Variants in RAB3GAP2 observed in about 807,000 individuals in gnomAD.
The protein encoded by RAB3GAP2 is RAB3 GTPase activating non-catalytic protein subunit 2.
In RAB3GAP2, 87 loss-of-function variants were observed where a neutral mutation model predicts 185.3. The ratio of observed to expected loss-of-function variants is 0.47; its 90% confidence interval spans 0.39 to 0.56. The LOEUF is 0.56. Ranked by LOEUF, RAB3GAP2 falls within the 20% of genes least tolerant of loss-of-function variation. RAB3GAP2 has a pLI of 0.00. For synonymous variants in RAB3GAP2, 554 were observed against 576.1 expected, an observed-to-expected ratio of 0.96 and a Z score of 0.55; for missense variants, 1,492 against 1,638.2, an observed-to-expected ratio of 0.91 and a Z score of 1.54.
chr1:220,195,474 T>C, intron 10 of RAB3GAP2, 97 bp from the exon 11 acceptor site: 1 of 1,176,388 alleles, frequency 8.5e-7, no homozygotes, highest in South Asian at 1.2e-5. Context: ...TTTGAAAAGT[T>C]GTAAAGGCTG....
At chr1:220,198,918 C>T (rs1177311215) in intron 9 of RAB3GAP2, among the ~76,000 whole-genome samples, 1 of 152,052 alleles carries the variant, frequency 6.6e-6, no homozygotes, top group African/African-American at 2.4e-5. Flanking sequence ...ATAAGGAGAC[C>T]TGAGTGAAGA....
chr1:220,222,983 T>G (rs1659335620), intron 2 of RAB3GAP2, among the ~76,000 whole-genome samples: 1 of 152,236 alleles, frequency 6.6e-6, no homozygotes, highest in African/African-American at 2.4e-5. Flanking sequence ...ACAATTACAA[T>G]GGAACTCCAA....
At chr1:220,213,747 A>AGG (rs1659129380) in intron 3 of RAB3GAP2, 109 bp downstream of exon 3, 2 of 774,576 alleles carry the variant, frequency 2.6e-6, no homozygotes, top group African/African-American at 3.9e-5. Context: ...GGGGGGGGAG[A>AGG]GAGAGAGAAA....
intron 3 of RAB3GAP2, 107 bp from the exon 4 acceptor site, chr1:220,213,075 A>C (rs1659112459): frequency 1.3e-6 from 1 of 758,790 alleles, no homozygotes; most frequent in Non-Finnish European, 2.1e-6. Context: ...AAAATTTAAC[A>C]GTTGTGTATT....
Position 220,190,398 on chromosome 1 carries a change from A to G in RAB3GAP2, c.1610T>C (p.Val537Ala), listed in dbSNP as rs1282541809. 1 of 1,614,100 alleles carries G rather than the reference A, an allele frequency of 6.2e-7. No homozygotes were observed. The highest frequency in any genetic ancestry group is 1.1e-5 in the South Asian group (1 of 91,088). ...TTACCTCAGTGCTAAATGGAAGGGA[A>G]CGTTCACTGTTTTCACACTTCCAGA... ...PVSGSVKTVN[V>A]PFHLALSDKK... Residue 537 changes from valine (V) to alanine (A), a missense_variant, in exon 15 of 35, where the codon GTT (valine) becomes GCT (alanine). Transcript: ENST00000358951.
chr1:220,162,126 G>T, intron 28 of RAB3GAP2, 72 bp downstream of exon 28: 1 of 1,202,000 alleles, frequency 8.3e-7, no homozygotes, highest in South Asian at 1.2e-5. Flanking sequence ...AGCCTAATGT[G>T]AACAATCTTT....
chr1:220,185,630 A>C (rs1280780171), intron 18 of RAB3GAP2, 21 bp downstream of exon 18: 1 of 1,562,662 alleles, frequency 6.4e-7, no homozygotes, highest in Non-Finnish European at 8.8e-7. Context: ...CATAACCTCC[A>C]ATCAGTACAA....
intron 1 of RAB3GAP2, among the ~76,000 whole-genome samples, chr1:220,264,069 T>C (rs1660187959): frequency 6.6e-6 from 1 of 152,002 alleles, no homozygotes; most frequent in Non-Finnish European, 1.5e-5. Context: ...CTCAACAGTT[T>C]TTACAAGTCC....
chr1:220,160,677 A>C (rs1415963655), intron 28 of RAB3GAP2, among the ~76,000 whole-genome samples: 1 of 152,214 alleles, frequency 6.6e-6, no homozygotes, highest in Non-Finnish European at 1.5e-5. Context: ...AAGTTGCCTC[A>C]TATCTCCAGG....
At chr1:220,240,458 C>T (rs979747661) in intron 1 of RAB3GAP2, among the ~76,000 whole-genome samples, 3 of 152,012 alleles carry the variant, frequency 2.0e-5, no homozygotes, top group Non-Finnish European at 1.5e-5. Context: ...CATTCTTATC[C>T]ATTTTTTTCC....
intron 1 of RAB3GAP2, among the ~76,000 whole-genome samples, chr1:220,243,353 C>CAAAA (rs34046394): frequency 9.3e-6 from 1 of 107,618 alleles, no homozygotes; most frequent in Non-Finnish European, 2.1e-5. Context: ...GACTCCATCT[C>CAAAA]AAAAAAAAAA....
intron 24 of RAB3GAP2, among the ~76,000 whole-genome samples, chr1:220,169,462 G>A (rs898000403): frequency 1.3e-5 from 2 of 152,194 alleles, no homozygotes; most frequent in Non-Finnish European, 2.9e-5. Context: ...ATCATGAAAG[G>A]TTTCCTGGAG....
At chr1:220,263,298 C>G (rs995602903) in intron 1 of RAB3GAP2, among the ~76,000 whole-genome samples, 1 of 151,978 alleles carries the variant, frequency 6.6e-6, no homozygotes, top group Non-Finnish European at 1.5e-5. Flanking sequence ...AGTTTTTAAG[C>G]TTAGTGTAGC....
intron 1 of RAB3GAP2, among the ~76,000 whole-genome samples, chr1:220,246,796 G>T (rs1216402177): frequency 1.4e-5 from 2 of 141,790 alleles, no homozygotes; most frequent in East Asian, 4.3e-4. Flanking sequence ...GGGAGGGATA[G>T]CATTGGGAGA....
chr1:220,272,209 A>G lies in RAB3GAP2; in HGVS notation c.115+14T>C. Reference sequence around the variant, plus strand: ...TGACGAGGGAAGGAAGGGCGAGGCCAGAGAGGCACTTACTGGGGTCCCTCC... The same window carrying G: ...TGACGAGGGAAGGAAGGGCGAGGCCGGAGAGGCACTTACTGGGGTCCCTCC... On this transcript the variant is annotated intron_variant, in intron 1 of 34. Coordinates refer to ENST00000358951, the MANE Select transcript of RAB3GAP2 (RefSeq NM_012414.4). 1 of 1,588,504 alleles carries G rather than the reference A, an allele frequency of 6.3e-7. No individual in the cohort carries two copies. The highest frequency in any genetic ancestry group is 8.6e-7 in the Non-Finnish European group (1 of 1,165,154).
intron 1 of RAB3GAP2, among the ~76,000 whole-genome samples, chr1:220,233,453 A>C (rs1192617160): frequency 6.6e-6 from 1 of 152,228 alleles, no homozygotes; most frequent in Non-Finnish European, 1.5e-5. Flanking sequence ...GGAATGTAAA[A>C]GCCCAGATAG....
chr1:220,189,849 G>A, intron 16 of RAB3GAP2, 82 bp from the exon 17 acceptor site: 1 of 1,226,050 alleles, frequency 8.2e-7, no homozygotes, highest in Non-Finnish European at 1.1e-6. Flanking sequence ...GAACATATCT[G>A]TACTATCAGT....
chr1:220,193,190 T>G, intron 13 of RAB3GAP2, 50 bp downstream of exon 13: 1 of 1,599,530 alleles, frequency 6.3e-7, no homozygotes, highest in Non-Finnish European at 8.6e-7. Flanking sequence ...TGCTCAACTA[T>G]TGGGGTAAAA....
intron 24 of RAB3GAP2, among the ~76,000 whole-genome samples, chr1:220,167,926 C>A (rs1658102356): frequency 6.6e-6 from 1 of 152,110 alleles, no homozygotes; most frequent in African/African-American, 2.4e-5. Context: ...AATATAAATG[C>A]ACATGCATAT....
Sources: gnomAD v4.1 joint callset for allele counts (sites outside exome capture counted in the v4.1 genomes callset) on GRCh38, gnomAD v4.1.1 for gene constraint, MANE v1.5 for transcripts, NCBI Gene and HGNC (gene_info 2026-07-23, HGNC 2026-07-21) for gene names.